The following SUPT3H variants were observed in gnomAD, a reference collection of about 807,000 sequenced individuals.
The protein encoded by SUPT3H is SPT3 homolog, SAGA and STAGA complex component.
Under a neutral mutation model 44.3 loss-of-function variants are expected in SUPT3H, and 44 were observed. The ratio of observed to expected loss-of-function variants is 0.99; its 90% CI spans 0.78 to 1.28. The LOEUF (loss-of-function observed/expected upper bound fraction) is 1.28. Ranked by LOEUF, SUPT3H falls within the 50% of genes most tolerant of loss-of-function variation. The probability of loss-of-function intolerance (pLI) is 0.00; values close to 1 mark genes in which losing one functional copy is unlikely to be tolerated. For synonymous variants in SUPT3H, 124 were observed against 125.6 expected, an observed-to-expected ratio of 0.99 and a Z score of 0.09; for missense variants, 380 against 387.1, an observed-to-expected ratio of 0.98 and a Z score of 0.15.
At chr6:45,251,828 T>C (rs1772423249) in intron 2 of SUPT3H, among the ~76,000 whole-genome samples, 1 of 152,178 alleles carries the variant, frequency 6.6e-6, no homozygotes, top group South Asian at 2.1e-4. Context: ...AATGTCAGTA[T>C]TTCTTCCACT....
chr6:44,824,637 G>A (rs1767604829), downstream of SUPT3H, among the ~76,000 whole-genome samples: 3 of 152,314 alleles, frequency 2.0e-5, no homozygotes, highest in Admixed American at 2.0e-4. Flanking sequence ...GGGTGTGGTG[G>A]CTCATGCCTA....
chr6:45,178,201 C>T (rs927274096), intron 2 of SUPT3H, among the ~76,000 whole-genome samples: 1 of 151,892 alleles, frequency 6.6e-6, no homozygotes, highest in African/African-American at 2.4e-5. Context: ...CACACATAGG[C>T]TCAAATAAAA....
intron 6 of SUPT3H, among the ~76,000 whole-genome samples, chr6:44,976,057 T>C (rs1195248556): frequency 6.6e-6 from 1 of 152,208 alleles, no homozygotes; most frequent in Non-Finnish European, 1.5e-5. Context: ...TCCTTTCTTG[T>C]AATTGGCTGA....
rs1792926702 is a variant in SUPT3H at position 45,064,793 on chromosome 6, C to T, written c.186+41129G>A. Among the ~76,000 whole-genome samples the T allele has an allele frequency of 1.3e-5, 2 of 148,316 alleles. 1 individual carries two copies. The highest frequency in any genetic ancestry group is 5.0e-5 in the African/African-American group (2 of 39,734). ...AATATATATGCACCCAATACAGGAG[C>T]ACGCAGATTCATAAAGCAAGTCCTG... On this transcript the variant is annotated intron_variant, in intron 3 of 10. Transcript: ENST00000371459.
At chr6:45,011,158 T>C (rs1033464047) in intron 5 of SUPT3H, among the ~76,000 whole-genome samples, 4 of 152,132 alleles carry the variant, frequency 2.6e-5, no homozygotes, top group African/African-American at 4.8e-5. Context: ...TTAAAAAACA[T>C]TGCAGTCTGG....
At chr6:45,291,557 C>A (rs1014170602) in intron 2 of SUPT3H, among the ~76,000 whole-genome samples, 1 of 151,970 alleles carries the variant, frequency 6.6e-6, no homozygotes, top group Non-Finnish European at 1.5e-5. Context: ...AAATATTACA[C>A]GAAGTGAAGG....
chr6:45,122,297 A>G (rs1193670602), intron 2 of SUPT3H, among the ~76,000 whole-genome samples: 2 of 152,210 alleles, frequency 1.3e-5, no homozygotes, highest in Non-Finnish European at 2.9e-5. Flanking sequence ...AGAATAATCC[A>G]TAACAAAAAA....
chr6:45,283,714 C>T (rs1433232107), intron 2 of SUPT3H, among the ~76,000 whole-genome samples: 1 of 151,870 alleles, frequency 6.6e-6, no homozygotes, highest in South Asian at 2.1e-4. Context: ...AGGAATTGAA[C>T]TCAGCTTTTC....
intron 2 of SUPT3H, among the ~76,000 whole-genome samples, chr6:45,271,968 A>T (rs1475429126): frequency 6.6e-6 from 1 of 152,150 alleles, no homozygotes; most frequent in African/African-American, 2.4e-5. Context: ...TGGATTTCAG[A>T]CTTGCACAGG....
intron 2 of SUPT3H, among the ~76,000 whole-genome samples, chr6:45,319,606 G>T (rs865986315): frequency 6.6e-6 from 1 of 152,022 alleles, no homozygotes. Flanking sequence ...TTCTTACTCA[G>T]TAGTAACCAC....
intron 10 of SUPT3H, among the ~76,000 whole-genome samples, chr6:44,930,824 A>AT (rs557731818): frequency 2.3e-4 from 35 of 152,298 alleles, no homozygotes; most frequent in African/African-American, 8.2e-4. Context: ...GCATTTTAAA[A>AT]TTGTGTCATC....
At chr6:45,135,227 C>A (rs1369158439) in intron 2 of SUPT3H, among the ~76,000 whole-genome samples, 4 of 152,106 alleles carry the variant, frequency 2.6e-5, no homozygotes, top group African/African-American at 9.7e-5. Flanking sequence ...CCTCAAAGGT[C>A]TCTAAAAGGC....
intron 2 of SUPT3H, among the ~76,000 whole-genome samples, chr6:45,203,383 T>C (rs1413878888): frequency 6.6e-6 from 1 of 152,206 alleles, no homozygotes; most frequent in Non-Finnish European, 1.5e-5. Flanking sequence ...ATTCTACCTC[T>C]TAAGTATATC....
intron 2 of SUPT3H, among the ~76,000 whole-genome samples, chr6:45,251,495 G>A (rs1772372535): frequency 6.6e-6 from 1 of 151,746 alleles, no homozygotes; most frequent in Non-Finnish European, 1.5e-5. Context: ...CCCAGGCACA[G>A]GTGAGTATAA....
intron 2 of SUPT3H, among the ~76,000 whole-genome samples, chr6:45,356,682 G>C (rs1368366823): frequency 6.6e-6 from 1 of 152,054 alleles, no homozygotes; most frequent in Non-Finnish European, 1.5e-5. Context: ...TGGGATTATA[G>C]GTGTGAGCCA....
intron 10 of SUPT3H, among the ~76,000 whole-genome samples, chr6:44,890,423 G>A (rs1465969661): frequency 3.3e-5 from 5 of 151,968 alleles, no homozygotes; most frequent in Non-Finnish European, 4.4e-5. Flanking sequence ...GGAATACTGT[G>A]CAGCCATTAA....
intron 10 of SUPT3H, among the ~76,000 whole-genome samples, chr6:44,886,989 T>A (rs916409973): frequency 6.6e-6 from 1 of 152,016 alleles, no homozygotes; most frequent in African/African-American, 2.4e-5. Context: ...TAAAACAGAC[T>A]TTAAACCAAC....
intron 2 of SUPT3H, among the ~76,000 whole-genome samples, chr6:45,156,810 A>G (rs1315158268): frequency 6.6e-6 from 1 of 151,954 alleles, no homozygotes; most frequent in East Asian, 1.9e-4. Context: ...ACTTTTTACA[A>G]TAACTTCCAA....
At chr6:44,929,924 T>C (rs1770272379) in intron 10 of SUPT3H, among the ~76,000 whole-genome samples, 1 of 152,122 alleles carries the variant, frequency 6.6e-6, no homozygotes. Flanking sequence ...GAAACCTGTG[T>C]CACCCTGGTC....
Sources: allele counts gnomAD v4.1 joint callset (sites outside exome capture counted in the v4.1 genomes callset), GRCh38; gene constraint gnomAD v4.1.1; transcripts MANE v1.5; gene names NCBI Gene and HGNC (gene_info 2026-07-23, HGNC 2026-07-21).